Variants in NLGN1 observed in about 807,000 individuals in gnomAD.
NLGN1 encodes neuroligin 1, also known as neuroligin-1.
NLGN1 carries 12 observed loss-of-function variants against 65.5 expected under a neutral mutation model. That is an observed-to-expected ratio of 0.18 (90% confidence interval 0.12 to 0.30). NLGN1 has a LOEUF of 0.30. NLGN1 is among the 10% of genes least tolerant of loss of function. The pLI is 1.00. For missense variants in NLGN1, 750 were observed against 1,007.1 expected (o/e 0.74, Z 3.46); for synonymous variants, 350 against 359.5 (o/e 0.97, Z 0.30).
Position 173,563,796 on chromosome 3 carries a change from C to G in NLGN1, c.-320-40483C>G, listed in dbSNP as rs529408140. On this transcript the variant is annotated intron_variant, in intron 2 of 6. Transcript: ENST00000457714. ...TTACATCCACCCCAGTTAAAGCCGT[C>G]GGCATCTTCCATTTGGATTTCTGCA... 3.3e-5 allele frequency among the ~76,000 whole-genome samples: 5 copies of G among 152,304 alleles called. No individual in the cohort carries two copies. The East Asian group carries it at 9.6e-4, about 29-fold the overall frequency.
intron 4 of NLGN1, among the ~76,000 whole-genome samples, chr3:174,142,940 A>T (rs1370664026): frequency 6.6e-6 from 1 of 152,160 alleles, no homozygotes; most frequent in Non-Finnish European, 1.5e-5. Context: ...GCCTCAGGAA[A>T]CTTACAATCA....
At chr3:173,702,238 CAAA>C (rs67328889) in intron 3 of NLGN1, among the ~76,000 whole-genome samples, 42 of 89,822 alleles carry the variant, frequency 4.7e-4, no homozygotes, top group African/African-American at 1.1e-3. Flanking sequence ...GACTCCGTCT[CAAA>C]AAAAAAAAAA....
chr3:174,016,982 GT>G (rs1726692899), intron 4 of NLGN1, among the ~76,000 whole-genome samples: 2 of 152,130 alleles, frequency 1.3e-5, no homozygotes, highest in African/African-American at 2.4e-5. Context: ...GCCTATTTTA[GT>G]GTGAGAGACA....
rs140873965 is a variant in NLGN1, at chr3:173,760,954, C to G, written c.494-46726C>G. On this transcript the variant is annotated intron_variant, in intron 3 of 6. Transcript: ENST00000457714. ...AATAGAGCAATTAGCAGATGTTTACCTAGAGCTACCTACAATCATGCAGTT... is the reference window on the plus strand; with the variant it reads ...AATAGAGCAATTAGCAGATGTTTACGTAGAGCTACCTACAATCATGCAGTT... 8.7e-3 allele frequency among the ~76,000 whole-genome samples: 1,321 copies of G among 152,134 alleles called. 8 individuals are homozygous for G. The highest frequency in any genetic ancestry group is 0.014 in the Middle Eastern group (4 of 294).
chr3:174,053,093 T>C (rs1735278656), intron 4 of NLGN1, among the ~76,000 whole-genome samples: 1 of 151,980 alleles, frequency 6.6e-6, no homozygotes, highest in South Asian at 2.1e-4. Context: ...CAGAGCAATA[T>C]TATCATTTTA....
At chr3:173,769,176 C>G (rs1275270545) in intron 3 of NLGN1, among the ~76,000 whole-genome samples, 1 of 152,148 alleles carries the variant, frequency 6.6e-6, no homozygotes, top group East Asian at 1.9e-4. Context: ...ACATCACCTC[C>G]TACCCCTTAC....
intron 3 of NLGN1, among the ~76,000 whole-genome samples, chr3:173,619,506 A>G (rs1345065776): frequency 6.6e-6 from 1 of 152,212 alleles, no homozygotes. Context: ...AATCATTATT[A>G]TAATAGCTAC....
intron 2 of NLGN1, among the ~76,000 whole-genome samples, chr3:173,566,159 T>G (rs1453426384): frequency 6.6e-6 from 1 of 152,176 alleles, no homozygotes; most frequent in African/African-American, 2.4e-5. Flanking sequence ...AAAAAAGAGC[T>G]TGAAAATATT....
chr3:173,746,375 T>C (rs1775380715), intron 3 of NLGN1, among the ~76,000 whole-genome samples: 1 of 152,134 alleles, frequency 6.6e-6, no homozygotes, highest in African/African-American at 2.4e-5. Context: ...TTTAAAATGC[T>C]TAGCTAGACT....
intron 4 of NLGN1, among the ~76,000 whole-genome samples, chr3:174,068,755 T>G (rs1739201495): frequency 6.6e-6 from 1 of 152,210 alleles, no homozygotes; most frequent in African/African-American, 2.4e-5. Flanking sequence ...TCAATCTCAA[T>G]AATCTTCTGC....
chr3:173,474,797 A>C (rs1725910012), intron 2 of NLGN1, among the ~76,000 whole-genome samples: 1 of 152,056 alleles, frequency 6.6e-6, no homozygotes, highest in South Asian at 2.1e-4. Flanking sequence ...GTATCTACTA[A>C]AAATACAAAA....
At chr3:173,760,212 T>G (rs770127575) in intron 3 of NLGN1, among the ~76,000 whole-genome samples, 2 of 151,962 alleles carry the variant, frequency 1.3e-5, no homozygotes, top group Non-Finnish European at 2.9e-5. Context: ...TATCTCAAAT[T>G]ATAGTTGCTT....
intron 4 of NLGN1, among the ~76,000 whole-genome samples, chr3:174,122,233 G>A (rs989697785): frequency 5.9e-5 from 9 of 152,042 alleles, no homozygotes; most frequent in Admixed American, 4.6e-4. Context: ...AATGCCATCC[G>A]CATCTCATTA....
At chr3:173,737,903 T>A (rs1774031104) in intron 3 of NLGN1, among the ~76,000 whole-genome samples, 1 of 152,054 alleles carries the variant, frequency 6.6e-6, no homozygotes, top group Non-Finnish European at 1.5e-5. Flanking sequence ...CTTCTCTGCA[T>A]CCTCACCAAC....
intron 3 of NLGN1, among the ~76,000 whole-genome samples, chr3:173,793,736 C>G (rs1029268627): frequency 2.6e-5 from 4 of 152,074 alleles, no homozygotes; most frequent in African/African-American, 9.7e-5. Flanking sequence ...AATTTCACTT[C>G]CATAAAGCAA....
At chr3:174,103,995 C>T (rs990543706) in intron 4 of NLGN1, among the ~76,000 whole-genome samples, 8 of 151,968 alleles carry the variant, frequency 5.3e-5, no homozygotes, top group African/African-American at 1.9e-4. Flanking sequence ...AAAAATAGAA[C>T]ACCTGGCTGT....
chr3:174,081,799 G>A (rs765880593), intron 4 of NLGN1, among the ~76,000 whole-genome samples: 2 of 152,132 alleles, frequency 1.3e-5, no homozygotes, highest in South Asian at 2.1e-4. Flanking sequence ...TCGAACTCCC[G>A]ATCTCAGGTG....
chr3:174,021,190 T>G (rs965706878), intron 4 of NLGN1, among the ~76,000 whole-genome samples: 4 of 151,908 alleles, frequency 2.6e-5, no homozygotes, highest in Non-Finnish European at 5.9e-5. Flanking sequence ...GAGAAATATA[T>G]TAGTGCTCCA....
chr3:174,043,136 C>A (rs950935318), intron 4 of NLGN1, among the ~76,000 whole-genome samples: 3 of 152,138 alleles, frequency 2.0e-5, no homozygotes, highest in Non-Finnish European at 1.5e-5. Flanking sequence ...ATAAGGGAAG[C>A]TTTTCCCATG....
Sources: allele counts gnomAD v4.1 joint callset (sites outside exome capture counted in the v4.1 genomes callset), GRCh38; gene constraint gnomAD v4.1.1; transcripts MANE v1.5; gene names NCBI Gene and HGNC (gene_info 2026-07-23, HGNC 2026-07-21).